PGR: variants seen among roughly 807,000 people sequenced by gnomAD.
PGR encodes the protein nuclear receptor subfamily 3 group C member 3.
PGR carries 25 observed loss-of-function variants against 76.1 expected under a neutral mutation model. That is an observed-to-expected ratio of 0.33 (90% confidence interval 0.24 to 0.46). The LOEUF is 0.46. PGR is among the 20% of genes least tolerant of loss of function. The pLI, the probability that PGR is intolerant of heterozygous loss-of-function variation, is 1.00. For synonymous variants in PGR, 579 were observed against 535.0 expected (o/e 1.08, Z -1.14); for missense variants, 1,172 against 1,225.3 (o/e 0.96, Z 0.65).
intron 2 of PGR, among the ~76,000 whole-genome samples, chr11:101,095,469 C>T (rs182354856): frequency 6.6e-6 from 1 of 152,338 alleles, no homozygotes; most frequent in Admixed American, 6.5e-5. Context: ...CATATATTAA[C>T]TCATTTCATC....
chr11:101,029,641 TTTA>T lies in PGR; in HGVS notation c.*9472_*9474del, dbSNP rs1288460762. ...GAGAGATATAGAAATTAGTTTATTC[TTTA>T]TTATCACACAGAATAACAAGAATTA... On this transcript the variant is annotated 3_prime_UTR_variant, in exon 8 of 8. Transcript: ENST00000325455. 12 of 190,828 alleles carry T rather than the reference TTTA, an allele frequency of 6.3e-5. No homozygotes were observed. The Admixed American group carries it at 7.4e-4, about 12-fold the overall frequency. 11.8% of individuals were successfully genotyped at this position (190,828 alleles called of 1,614,324 possible).
At position 101,127,869 on chromosome 11, in the gene PGR, G is replaced by T; in HGVS notation, c.1202C>A (p.Pro401Gln). ...GGCACCGGCCACAAGGTAGGAACGC[G>T]GGGAGCGCGCGGAGGCCTCCGCGCC... is the stretch of plus-strand genomic sequence containing the variant. ...EEGAEASARS[P>Q]RSYLVAGANP... is the part of the protein sequence containing the mutation. Residue 401 changes from proline (P) to glutamine (Q), a missense_variant, in exon 1 of 8, where the codon CCG becomes CAG. This residue lies in a region of PGR where 893 missense variants were observed against 785.9 expected (regional missense o/e 1.14). Coordinates refer to ENST00000325455, the MANE Select transcript of PGR (RefSeq NM_000926.4). 6.2e-7 allele frequency: 1 copy of T among 1,601,026 alleles called. No individual in the cohort carries two copies. Among genetic ancestry groups the T allele is most frequent in the Non-Finnish European group, 8.5e-7 (1 of 1,177,626 alleles).
chr11:101,127,543 C>CG lies in PGR; in HGVS notation c.1527dup (p.Ala510ArgfsTer64). The CG allele has an allele frequency of 1.4e-6, 2 of 1,420,562 alleles. No homozygotes were observed. Among genetic ancestry groups the CG allele is most frequent in the Admixed American group, 2.6e-5 (1 of 38,028 alleles). The allele number at this position is 1,420,562 out of a possible 1,614,324, so 88.0% of individuals were successfully genotyped here. On this transcript the variant is annotated frameshift_variant, in exon 1 of 8. Transcript: ENST00000325455. LOFTEE classifies it high-confidence loss of function. ...TTGAGGCCGAGTGCAGGGTAGAGCGCGGGGGCCGCCCCGGCGGCGGCGGCA... is the reference window on the plus strand; with the variant it reads ...TTGAGGCCGAGTGCAGGGTAGAGCGCGGGGGGCCGCCCCGGCGGCGGCGGCA...
chr11:101,051,572 C>A lies in PGR; in HGVS notation c.2213-4G>T, dbSNP rs577384408. ...TCAATATGTAAGTTTCGAAAACCTA[C>A]AAAACAAATTTAAAAATACAGTGAC... On this transcript the variant is annotated splice_region_variant and splice_polypyrimidine_tract_variant and intron_variant, in intron 4 of 7. Transcript: ENST00000325455. 1.3e-6 allele frequency: 2 copies of A among 1,595,120 alleles called. No homozygotes were observed.
At chr11:101,125,192 A>G (rs1480571638) in intron 2 of PGR, among the ~76,000 whole-genome samples, 1 of 152,190 alleles carries the variant, frequency 6.6e-6, no homozygotes. Context: ...ATGTATTTTT[A>G]TCTTCAAATG....
intron 4 of PGR, among the ~76,000 whole-genome samples, chr11:101,061,381 T>C (rs1426124005): frequency 6.6e-6 from 1 of 152,204 alleles, no homozygotes; most frequent in Non-Finnish European, 1.5e-5. Context: ...TATGTATTTT[T>C]TGAAAGATTC....
chr11:101,044,989 G>C (rs1859818660), intron 6 of PGR, among the ~76,000 whole-genome samples: 1 of 152,044 alleles, frequency 6.6e-6, no homozygotes, highest in African/African-American at 2.4e-5. Flanking sequence ...TTACGGGCTT[G>C]AGCCACCATG....
intron 7 of PGR, chr11:101,041,557 C>A: frequency 5.4e-6 from 1 of 184,286 alleles, no homozygotes. Flanking sequence ...GATTGCCCAC[C>A]CATCAGCAAT....
chr11:101,117,403 A>C (rs1387586315), intron 2 of PGR, among the ~76,000 whole-genome samples: 1 of 151,840 alleles, frequency 6.6e-6, no homozygotes, highest in Non-Finnish European at 1.5e-5. Flanking sequence ...TTTCCTTTTG[A>C]TTTACATATA....
intron 2 of PGR, among the ~76,000 whole-genome samples, chr11:101,101,772 G>T (rs558399556): frequency 1.3e-5 from 2 of 152,202 alleles, no homozygotes; most frequent in East Asian, 3.9e-4. Context: ...AAATTTTTTG[G>T]TTTGAAAAAT....
At position 101,034,206 on chromosome 11, in the gene PGR, A is replaced by G. The variant is rs1859438375; in HGVS notation, c.*4910T>C. 1 of 221,964 alleles carries G rather than the reference A, an allele frequency of 4.5e-6. No individual in the cohort carries two copies. The highest frequency in any genetic ancestry group is 9.0e-6 in the Non-Finnish European group (1 of 111,030). 13.7% of individuals were successfully genotyped at this position (221,964 alleles called of 1,614,324 possible). ...AAAAGCAAACAAACCTGTGTTTAACAATAAGGTCAGCATGACATACAGCAA... is the reference window on the plus strand; with the variant it reads ...AAAAGCAAACAAACCTGTGTTTAACGATAAGGTCAGCATGACATACAGCAA... On this transcript the variant is annotated 3_prime_UTR_variant, in exon 8 of 8. Transcript: ENST00000325455.
rs2135375046 is a variant in PGR at position 101,038,590 on chromosome 11, A to AT, written c.*525dup. Reference sequence around the variant, plus strand: ...TTTAGTGGTTTTAAACTCTTTCTACATTTTTTGCATTAAAAATACTTTTGA... The same window carrying AT: ...TTTAGTGGTTTTAAACTCTTTCTACATTTTTTTGCATTAAAAATACTTTTGA... On this transcript the variant is annotated 3_prime_UTR_variant, in exon 8 of 8. Coordinates refer to ENST00000325455, the MANE Select transcript of PGR (RefSeq NM_000926.4). 2.2e-5 allele frequency: 5 copies of AT among 230,138 alleles called. No homozygotes were observed. The highest frequency in any genetic ancestry group is 4.3e-5 in the Non-Finnish European group (5 of 116,228). 14.3% of individuals were successfully genotyped at this position (230,138 alleles called of 1,614,324 possible).
At chr11:101,092,689 C>CA (rs1861711262) in intron 2 of PGR, among the ~76,000 whole-genome samples, 1 of 152,116 alleles carries the variant, frequency 6.6e-6, no homozygotes, top group African/African-American at 2.4e-5. Context: ...AGGCACGGAA[C>CA]AATCTAATTT....
At chr11:101,039,756 CAT>C (rs761647875) in intron 7 of PGR, among the ~76,000 whole-genome samples, 19 of 151,950 alleles carry the variant, frequency 1.3e-4, no homozygotes, top group Non-Finnish European at 2.6e-4. Flanking sequence ...AGTAGTACCA[CAT>C]GATTATAAAA....
chr11:101,090,298 C>T (rs1397443078), intron 3 of PGR, among the ~76,000 whole-genome samples: 1 of 152,208 alleles, frequency 6.6e-6, no homozygotes, highest in Non-Finnish European at 1.5e-5. Flanking sequence ...CTATCCAGAA[C>T]TCCGCCATTT....
chr11:101,054,866 T>C (rs752876305), intron 4 of PGR, among the ~76,000 whole-genome samples: 6 of 152,258 alleles, frequency 3.9e-5, no homozygotes, highest in Non-Finnish European at 7.4e-5. Flanking sequence ...ACAGAATTGC[T>C]CATTGGAGTA....
chr11:101,128,606 G>C lies in PGR; in HGVS notation c.465C>G (p.Pro155=). 1.9e-6 allele frequency: 3 copies of C among 1,589,990 alleles called. No homozygotes were observed. The highest frequency in any genetic ancestry group is 2.6e-6 in the Non-Finnish European group (3 of 1,170,698). ...PELPEDPPAA[P]ATQRVLSPLM... ...GCGGGGACAACACCCGCTGGGTGGC[G>C]GGGGCAGCCGGTGGATCTTCGGGAA... Residue 155 remains proline (P), a synonymous_variant, in exon 1 of 8, where the codon CCC becomes CCG. Transcript: ENST00000325455.
intron 3 of PGR, among the ~76,000 whole-genome samples, chr11:101,073,851 C>T (rs1861031095): frequency 6.6e-6 from 1 of 151,994 alleles, no homozygotes. Context: ...AGCCTACCAA[C>T]CAAAAAAACC....
chr11:101,033,150 A>C lies in PGR; in HGVS notation c.*5966T>G. ...TTAAAATACACAGAATACTAAGATC[A>C]AAAGGAGATACTTTACTGGCTAAAG... On this transcript the variant is annotated 3_prime_UTR_variant, in exon 8 of 8. Transcript: ENST00000325455. 1 of 209,112 alleles carries C rather than the reference A, an allele frequency of 4.8e-6. No homozygotes were observed. Among genetic ancestry groups the C allele is most frequent in the Non-Finnish European group, 9.7e-6 (1 of 102,608 alleles). The allele number at this position is 209,112 out of a possible 1,614,324, so 13.0% of individuals were successfully genotyped here. A position where few individuals can be genotyped will look rare whatever the true frequency, so the allele number is the denominator to read the frequency against.
Sources: gnomAD v4.1 joint callset for allele counts (sites outside exome capture counted in the v4.1 genomes callset) on GRCh38, gnomAD v4.1.1 for gene constraint, gnomAD v4.1.1 regional missense constraint, MANE v1.5 for transcripts, NCBI Gene and HGNC (gene_info 2026-07-23, HGNC 2026-07-21) for gene names.